Variants in GOLIM4 observed in about 807,000 individuals in gnomAD.
GOLIM4 encodes golgi integral membrane protein 4.
GOLIM4 carries 71 observed loss-of-function variants against 107.4 expected under a neutral mutation model. The observed-to-expected ratio is 0.66, with a 90% CI of 0.55 to 0.81. The LOEUF (loss-of-function observed/expected upper bound fraction) is 0.81. GOLIM4 is among the 30% of genes least tolerant of loss of function. GOLIM4 has a pLI of 0.00. For synonymous variants in GOLIM4, 327 were observed against 294.8 expected (o/e 1.11, Z -1.12); for missense variants, 830 against 826.1 (o/e 1.00, Z -0.06).
intron 1 of GOLIM4, among the ~76,000 whole-genome samples, chr3:168,090,295 T>G (rs1351853844): frequency 6.6e-6 from 1 of 151,152 alleles, no homozygotes; most frequent in African/African-American, 2.4e-5. Context: ...AGGGCTAATA[T>G]CCAGAAGCTA....
At chr3:168,039,660 C>A (rs34031664) in intron 7 of GOLIM4, among the ~76,000 whole-genome samples, 4 of 152,092 alleles carry the variant, frequency 2.6e-5, no homozygotes, top group Non-Finnish European at 5.9e-5. Context: ...TTTTACTTAT[C>A]TTTCTATGGA....
intron 1 of GOLIM4, among the ~76,000 whole-genome samples, chr3:168,085,464 C>T (rs1721573851): frequency 6.6e-6 from 1 of 152,122 alleles, no homozygotes; most frequent in South Asian, 2.1e-4. Context: ...TGGCTTTTGG[C>T]TAATGGAGAA....
At chr3:168,067,521 A>C (rs1261086931) in intron 1 of GOLIM4, among the ~76,000 whole-genome samples, 2 of 150,832 alleles carry the variant, frequency 1.3e-5, no homozygotes, top group African/African-American at 4.9e-5. Context: ...ATTAAAAAAA[A>C]AAAAACACAC....
intron 14 of GOLIM4, among the ~76,000 whole-genome samples, 195 bp downstream of exon 14, chr3:168,024,331 C>T (rs1717875479): frequency 6.6e-6 from 1 of 152,230 alleles, no homozygotes; most frequent in Non-Finnish European, 1.5e-5. Context: ...TATTACCCTG[C>T]TTTTGTTATC....
chr3:168,008,835 A>G lies in GOLIM4; in HGVS notation c.*1434T>C, dbSNP rs1196620937. The G allele has an allele frequency of 6.6e-6, 1 of 152,158 alleles. No homozygotes were observed. The highest frequency in any genetic ancestry group is 1.5e-5 in the Non-Finnish European group (1 of 68,010). 9.4% of individuals were successfully genotyped at this position (152,158 alleles called of 1,614,324 possible). Reference sequence around the variant, plus strand: ...TGTACAATATTATACATTTTACATTACATAATGGGTTTTTATACATAAAGG... The same window carrying G: ...TGTACAATATTATACATTTTACATTGCATAATGGGTTTTTATACATAAAGG... On this transcript the variant is annotated 3_prime_UTR_variant, in exon 16 of 16. Coordinates refer to ENST00000470487, the MANE Select transcript of GOLIM4 (RefSeq NM_014498.5).
chr3:168,047,076 CTT>C lies in GOLIM4; in HGVS notation c.263-79_263-78del, dbSNP rs2108251630. On this transcript the variant is annotated intron_variant, in intron 2 of 15. Transcript: ENST00000470487. ...AAACATCTAAAGAAATAAAGGCAAA[CTT>C]CACTCATGCTTACAAAAGTGTTTTA... 17 of 684,194 alleles carry C rather than the reference CTT, an allele frequency of 2.5e-5. 2 individuals are homozygous for C. In the South Asian group the frequency reaches 3.1e-4, roughly 13 times the overall value. The allele number at this position is 684,194 out of a possible 1,614,324, so 42.4% of individuals were successfully genotyped here.
At chr3:168,046,190 C>T (rs553745119) in intron 3 of GOLIM4, among the ~76,000 whole-genome samples, 3 of 152,184 alleles carry the variant, frequency 2.0e-5, no homozygotes, top group African/African-American at 7.2e-5. Flanking sequence ...AGTTTTAATA[C>T]CCCAAAATAT....
chr3:168,037,064 AC>A, intron 7 of GOLIM4, 70 bp from the exon 8 acceptor site: 34 of 1,004,600 alleles, frequency 3.4e-5, no homozygotes, highest in South Asian at 6.6e-5. Flanking sequence ...ATTTGGGTAC[AC>A]TGTAAAACTA....
At chr3:168,077,661 T>G (rs527746497) in intron 1 of GOLIM4, among the ~76,000 whole-genome samples, 59 of 152,342 alleles carry the variant, frequency 3.9e-4, no homozygotes, top group African/African-American at 1.3e-3. Context: ...ATATGGCTAC[T>G]CATGTAACAC....
chr3:168,015,088 G>C (rs1717287143), intron 14 of GOLIM4, among the ~76,000 whole-genome samples: 1 of 151,418 alleles, frequency 6.6e-6, no homozygotes, highest in African/African-American at 2.4e-5. Context: ...TAGGAAAAGA[G>C]GAAGTCAAAT....
At chr3:168,017,254 G>C (rs1166914630) in intron 14 of GOLIM4, among the ~76,000 whole-genome samples, 2 of 152,048 alleles carry the variant, frequency 1.3e-5, no homozygotes, top group African/African-American at 4.8e-5. Context: ...TTGTGGGACT[G>C]AGGCAAGAGG....
intron 9 of GOLIM4, among the ~76,000 whole-genome samples, chr3:168,030,799 T>C (rs1300648753): frequency 2.0e-5 from 3 of 152,178 alleles, no homozygotes; most frequent in Non-Finnish European, 2.9e-5. Flanking sequence ...AAAAACAGTA[T>C]GGAGGTTCCT....
chr3:168,044,902 A>G (rs1719216190), intron 3 of GOLIM4, 21 bp from the exon 4 acceptor site: 1 of 1,419,512 alleles, frequency 7.0e-7, no homozygotes, highest in Non-Finnish European at 9.7e-7. Flanking sequence ...AAAAAAAAAA[A>G]GAAAACACAA....
chr3:168,054,242 T>G (rs1719807827), intron 1 of GOLIM4, among the ~76,000 whole-genome samples: 5 of 152,154 alleles, frequency 3.3e-5, no homozygotes, highest in Admixed American at 2.6e-4. Flanking sequence ...GGCCCAGGCC[T>G]GGGGGGGCAA....
At position 168,054,280 on chromosome 3, in the gene GOLIM4, G is replaced by A. The variant is rs926285222; in HGVS notation, c.188-5915C>T. On this transcript the variant is annotated intron_variant, in intron 1 of 15. Transcript: ENST00000470487. ...CCTCCCAGTGGCTTCTCACCACATC[G>A]GGAGTGAAACCCCACAAGGCCCTCA... Among the ~76,000 whole-genome samples the A allele has an allele frequency of 7.2e-5, 11 of 152,254 alleles. 1 individual carries two copies. Among genetic ancestry groups the A allele is most frequent in the Admixed American group, 1.3e-4 (2 of 15,298 alleles).
At chr3:168,032,931 T>C in intron 8 of GOLIM4, 79 bp from the exon 9 acceptor site, 1 of 1,021,536 alleles carries the variant, frequency 9.8e-7, no homozygotes, top group Non-Finnish European at 1.5e-6. Flanking sequence ...TCCATGTCTA[T>C]GGGGCATGGG....
chr3:168,054,664 G>A (rs1237473724), intron 1 of GOLIM4, among the ~76,000 whole-genome samples: 1 of 151,634 alleles, frequency 6.6e-6, no homozygotes, highest in African/African-American at 2.4e-5. Context: ...TTATAAATAA[G>A]TAAAATAATA....
intron 12 of GOLIM4, 68 bp from the exon 13 acceptor site, chr3:168,025,163 A>C: frequency 7.7e-7 from 1 of 1,307,002 alleles, no homozygotes; most frequent in Non-Finnish European, 1.1e-6. Context: ...TCATTTGAAA[A>C]GGCTGCCCAC....
At chr3:168,068,837 ATT>A (rs200437702) in intron 1 of GOLIM4, among the ~76,000 whole-genome samples, 4 of 146,124 alleles carry the variant, frequency 2.7e-5, no homozygotes, top group Admixed American at 6.9e-5. Flanking sequence ...ATTTTATTTT[ATT>A]TTTTTTTTTT....
Sources: allele counts gnomAD v4.1 joint callset (sites outside exome capture counted in the v4.1 genomes callset), GRCh38; gene constraint gnomAD v4.1.1; transcripts MANE v1.5; gene names NCBI Gene and HGNC (gene_info 2026-07-23, HGNC 2026-07-21).